Variants in PAPPA2 observed in about 807,000 individuals in gnomAD.
The protein encoded by PAPPA2 is pappalysin 2, also known as pappalysin-2.
In PAPPA2, 86 loss-of-function variants were observed where a neutral mutation model predicts 176.4. The observed-to-expected ratio is 0.49, with a 90% CI of 0.41 to 0.58. The LOEUF (loss-of-function observed/expected upper bound fraction) is 0.58, where lower values mean the gene tolerates loss of function less well. PAPPA2 is among the 20% of genes least tolerant of loss of function. The pLI is 0.00. For synonymous variants in PAPPA2, 809 were observed against 852.2 expected, an observed-to-expected ratio of 0.95 and a Z score of 0.88; for missense variants, 2,073 against 2,256.9, an observed-to-expected ratio of 0.92 and a Z score of 1.65.
intron 1 of PAPPA2, among the ~76,000 whole-genome samples, chr1:176,517,281 G>T (rs1648969046): frequency 6.6e-6 from 1 of 152,138 alleles, no homozygotes; most frequent in Admixed American, 6.5e-5. Context: ...GCAGGTGGAA[G>T]GAGGAAAGCA....
At chr1:176,834,295 G>A (rs1159331279) in intron 21 of PAPPA2, among the ~76,000 whole-genome samples, 1 of 152,140 alleles carries the variant, frequency 6.6e-6, no homozygotes, top group African/African-American at 2.4e-5. Flanking sequence ...TTGTTCCTAA[G>A]AAACTATTCC....
chr1:176,600,402 C>T (rs934773445), intron 3 of PAPPA2, among the ~76,000 whole-genome samples: 5 of 152,180 alleles, frequency 3.3e-5, no homozygotes, highest in South Asian at 2.1e-4. Flanking sequence ...CTCGGCCGGG[C>T]GCGGTGGCTC....
At chr1:176,486,775 G>T (rs1163129336) in intron 1 of PAPPA2, among the ~76,000 whole-genome samples, 2 of 152,110 alleles carry the variant, frequency 1.3e-5, no homozygotes, top group Non-Finnish European at 1.5e-5. Context: ...ACTAGATTGT[G>T]GTTGGTCTTA....
At chr1:176,641,954 T>C (rs527996870) in intron 3 of PAPPA2, among the ~76,000 whole-genome samples, 1 of 152,062 alleles carries the variant, frequency 6.6e-6, no homozygotes, top group African/African-American at 2.4e-5. Flanking sequence ...GTCACATTTC[T>C]CCTAGAACTG....
chr1:176,795,145 C>G (rs1160055080), intron 20 of PAPPA2, among the ~76,000 whole-genome samples: 1 of 152,230 alleles, frequency 6.6e-6, no homozygotes, highest in Non-Finnish European at 1.5e-5. Flanking sequence ...GGGAGAAGCT[C>G]CCTCAGACTT....
intron 2 of PAPPA2, among the ~76,000 whole-genome samples, chr1:176,590,735 T>G (rs944039980): frequency 6.6e-6 from 1 of 152,190 alleles, no homozygotes; most frequent in Non-Finnish European, 1.5e-5. Flanking sequence ...TTTGAGATGA[T>G]ACAGCATGTA....
chr1:176,500,691 A>C (rs977125550), intron 1 of PAPPA2, among the ~76,000 whole-genome samples: 1 of 151,966 alleles, frequency 6.6e-6, no homozygotes, highest in African/African-American at 2.4e-5. Context: ...TTAGAGGTAC[A>C]TTCTGCAGTC....
intron 1 of PAPPA2, among the ~76,000 whole-genome samples, chr1:176,549,670 T>A (rs1414893315): frequency 6.6e-6 from 1 of 152,142 alleles, no homozygotes; most frequent in Non-Finnish European, 1.5e-5. Context: ...AGGGGTCCCC[T>A]CAGAGTCTAG....
Position 176,556,596 on chromosome 1 carries a change from A to G in PAPPA2, c.274A>G (p.Thr92Ala). 1 of 1,614,174 alleles carries G rather than the reference A, an allele frequency of 6.2e-7. No homozygotes were observed. Among genetic ancestry groups the G allele is most frequent in the Non-Finnish European group, 8.5e-7 (1 of 1,180,028 alleles). ...YPVGEQEIHH[T>A]GRSKPDTEGN... ...CGTGGGGGAGCAAGAAATCCATCAT[A>G]CAGGACGCAGCAAACCAGACACTGA... Residue 92 changes from threonine (T) to alanine (A), a missense_variant, in exon 2 of 23, where the codon ACA becomes GCA. By Grantham distance (58) the Thr-to-Ala change is moderately conservative (BLOSUM62 0). Coordinates refer to ENST00000367662, the MANE Select transcript of PAPPA2 (RefSeq NM_020318.3).
chr1:176,758,802 G>C (rs868007254), intron 14 of PAPPA2, among the ~76,000 whole-genome samples: 1 of 152,278 alleles, frequency 6.6e-6, no homozygotes, highest in African/African-American at 2.4e-5. Flanking sequence ...ACTCTTTCTT[G>C]AGTTCTCTAC....
At chr1:176,650,911 A>G (rs1657684336) in intron 3 of PAPPA2, among the ~76,000 whole-genome samples, 1 of 151,744 alleles carries the variant, frequency 6.6e-6, no homozygotes, top group African/African-American at 2.4e-5. Context: ...TCAAGAAAAC[A>G]TCTTATAGAT....
intron 14 of PAPPA2, among the ~76,000 whole-genome samples, chr1:176,754,659 G>A (rs1163636042): frequency 1.3e-5 from 2 of 152,226 alleles, no homozygotes; most frequent in African/African-American, 2.4e-5. Flanking sequence ...ATTGAAAAGA[G>A]GGATGAATTA....
intron 3 of PAPPA2, among the ~76,000 whole-genome samples, chr1:176,664,426 T>C (rs1658516529): frequency 6.6e-6 from 1 of 152,214 alleles, no homozygotes; most frequent in South Asian, 2.1e-4. Context: ...TCCATCACTG[T>C]ATCTCTTTCT....
chr1:176,716,263 G>A (rs549087134), intron 12 of PAPPA2, among the ~76,000 whole-genome samples: 7 of 143,044 alleles, frequency 4.9e-5, no homozygotes, highest in Admixed American at 7.1e-5. Flanking sequence ...TGTTTGAGAC[G>A]GAATCTTGCT....
At chr1:176,490,952 A>C (rs1647259923) in intron 1 of PAPPA2, among the ~76,000 whole-genome samples, 1 of 152,194 alleles carries the variant, frequency 6.6e-6, no homozygotes, top group South Asian at 2.1e-4. Context: ...TCTGGTGACT[A>C]TGTGGTGATT....
chr1:176,821,540 A>G (rs1008008247), intron 21 of PAPPA2, among the ~76,000 whole-genome samples: 1 of 152,206 alleles, frequency 6.6e-6, no homozygotes, highest in Non-Finnish European at 1.5e-5. Flanking sequence ...TGACTCTCTT[A>G]GTTTGTGGTC....
At chr1:176,580,565 C>T (rs1247321580) in intron 2 of PAPPA2, among the ~76,000 whole-genome samples, 4 of 152,136 alleles carry the variant, frequency 2.6e-5, no homozygotes. Context: ...CCATGCTGTT[C>T]TCCACAGTGG....
chr1:176,657,149 G>C (rs1339583130), intron 3 of PAPPA2, among the ~76,000 whole-genome samples: 4 of 151,900 alleles, frequency 2.6e-5, no homozygotes, highest in Non-Finnish European at 5.9e-5. Context: ...AAAAGTTGTG[G>C]ACAAAAGCAC....
At chr1:176,603,226 A>G (rs534979486) in intron 3 of PAPPA2, among the ~76,000 whole-genome samples, 3 of 152,354 alleles carry the variant, frequency 2.0e-5, no homozygotes, top group Admixed American at 6.5e-5. Flanking sequence ...CCAAATGCCA[A>G]TCTGTTTCAG....
Sources: allele counts gnomAD v4.1 joint callset (sites outside exome capture counted in the v4.1 genomes callset), GRCh38; gene constraint gnomAD v4.1.1; transcripts MANE v1.5; gene names NCBI Gene and HGNC (gene_info 2026-07-23, HGNC 2026-07-21).